Variants in RTN4R observed in about 807,000 individuals in gnomAD.
RTN4R encodes reticulon 4 receptor, also known as reticulon-4 receptor.
Under a neutral mutation model 27.7 loss-of-function variants are expected in RTN4R, and 4 were observed. That is an observed-to-expected ratio of 0.14 (90% CI 0.07 to 0.33). RTN4R has a LOEUF of 0.33. RTN4R is among the 10% of genes least tolerant of loss of function. RTN4R has a pLI of 1.00. For missense variants in RTN4R, 554 were observed against 671.5 expected (o/e 0.83, Z 1.93); for synonymous variants, 290 against 305.6 (o/e 0.95, Z 0.53).
Position 20,241,418 on chromosome 22 carries a change from A to C in RTN4R, c.*293T>G, listed in dbSNP as rs1168710551. On this transcript the variant is annotated 3_prime_UTR_variant, in exon 2 of 2. Transcript: ENST00000043402. ...CCCTAGCCTGAGAGGCCACAGCTTAAGAAAAGAGCTCTTTATTCCACGTCG... is the reference window on the plus strand; with the variant it reads ...CCCTAGCCTGAGAGGCCACAGCTTACGAAAAGAGCTCTTTATTCCACGTCG... The C allele has an allele frequency of 1.1e-5, 5 of 471,114 alleles. No homozygotes were observed. Among genetic ancestry groups the C allele is most frequent in the African/African-American group, 9.9e-5 (5 of 50,454 alleles). The allele number at this position is 471,114 out of a possible 1,614,324, so 29.2% of individuals were successfully genotyped here. A position where few individuals can be genotyped will look rare whatever the true frequency, so the allele number is the denominator to read the frequency against.
intron 1 of RTN4R, among the ~76,000 whole-genome samples, chr22:20,250,937 A>G (rs968658764): frequency 1.3e-5 from 2 of 152,214 alleles, no homozygotes; most frequent in Non-Finnish European, 2.9e-5. Flanking sequence ...GCTGAATGAC[A>G]CAGTCCGGCT....
chr22:20,262,068 G>A (rs2051251005), intron 1 of RTN4R, among the ~76,000 whole-genome samples: 1 of 152,248 alleles, frequency 6.6e-6, no homozygotes, highest in African/African-American at 2.4e-5. Flanking sequence ...CGGGGACAGA[G>A]GCCAGGTCTG....
chr22:20,250,964 G>C (rs1412388893), intron 1 of RTN4R, among the ~76,000 whole-genome samples: 5 of 152,214 alleles, frequency 3.3e-5, no homozygotes, highest in Admixed American at 6.5e-5. Flanking sequence ...GAAAGGACTT[G>C]GGTGGCACTT....
intron 1 of RTN4R, among the ~76,000 whole-genome samples, chr22:20,251,753 C>T (rs200534818): frequency 1.9e-4 from 4 of 20,608 alleles, no homozygotes; most frequent in South Asian, 1.6e-3. Context: ...ACTATCACCA[C>T]CACTATCATC....
Position 20,267,798 on chromosome 22 carries a change from G to T in RTN4R, c.22+273C>A, listed in dbSNP as rs947999047. 1.3e-4 allele frequency: 51 copies of T among 382,828 alleles called. No individual in the cohort carries two copies. The Admixed American group carries it at 2.1e-3, about 15-fold the overall frequency. The allele number at this position is 382,828 out of a possible 1,614,324, so 23.7% of individuals were successfully genotyped here. A position where few individuals can be genotyped will look rare whatever the true frequency, so the allele number is the denominator to read the frequency against. On this transcript the variant is annotated intron_variant, in intron 1 of 1. Coordinates refer to ENST00000043402, the MANE Select transcript of RTN4R (RefSeq NM_023004.6). ...CCCGCCCTCGACTTGGCCCAGCATC[G>T]GGGACCCTCGGACCGCCACCCTCGG...
intron 1 of RTN4R, among the ~76,000 whole-genome samples, chr22:20,258,945 C>T (rs774192984): frequency 2.6e-5 from 4 of 152,030 alleles, no homozygotes; most frequent in African/African-American, 9.7e-5. Flanking sequence ...CACTGTCTCT[C>T]AGCCAGGAGG....
chr22:20,260,596 C>CAGGT (rs1385465075), intron 1 of RTN4R, among the ~76,000 whole-genome samples: 1 of 152,136 alleles, frequency 6.6e-6, no homozygotes, highest in Non-Finnish European at 1.5e-5. Context: ...GTGAGTTCCC[C>CAGGT]AGGTAGGTGG....
At position 20,243,973 on chromosome 22, in the gene RTN4R, C is replaced by T. The variant is rs527322510; in HGVS notation, c.23-863G>A. ...TGGGCAGTAGTCCCTCCCGGGGTGC[C>T]GCATCCAGAGCTGGTCTCACCAGCG... On this transcript the variant is annotated intron_variant, in intron 1 of 1. Transcript: ENST00000043402. Among the ~76,000 whole-genome samples the T allele has an allele frequency of 1.2e-3, 181 of 152,276 alleles. 3 individuals carry two copies. The highest frequency in any genetic ancestry group is 4.2e-3 in the African/African-American group (175 of 41,552).
In RTN4R at chr22:20,242,892, G is replaced by A. The variant is rs539553864; in HGVS notation, c.241C>T (p.Arg81Cys). Residue 81 changes from arginine (R) to cysteine (C), a missense_variant, in exon 2 of 2, where the codon CGC (arginine) becomes TGC (cysteine). Around this residue, in one of 2 missense-constraint regions of RTN4R, gnomAD observed 413 missense variants for 542.3 expected, o/e 0.76. Transcript: ENST00000043402. ...HVPAASFRAC[R>C]NLTILWLHSN... is the part of the protein sequence containing the mutation. ...TGCAGCCACAGGATGGTGAGGTTGC[G>A]GCAGGCACGGAAGCTGGCAGCTGGC... 58 of 1,612,618 alleles carry A rather than the reference G, an allele frequency of 3.6e-5. No homozygotes were observed. Among genetic ancestry groups the A allele is most frequent in the African/African-American group, 1.9e-4 (14 of 75,032 alleles).
chr22:20,267,517 C>A, intron 1 of RTN4R: 1 of 432,058 alleles, frequency 2.3e-6, no homozygotes. Context: ...TGCCTCCTCT[C>A]ACCGCCCGCC....
chr22:20,259,979 G>T (rs1333911002), intron 1 of RTN4R, among the ~76,000 whole-genome samples: 1 of 152,120 alleles, frequency 6.6e-6, no homozygotes, highest in Non-Finnish European at 1.5e-5. Context: ...CCCCTGCATC[G>T]GGGACTGGAC....
intron 1 of RTN4R, among the ~76,000 whole-genome samples, chr22:20,263,696 G>A (rs2051260701): frequency 1.3e-5 from 2 of 152,234 alleles, no homozygotes; most frequent in African/African-American, 4.8e-5. Flanking sequence ...GACCTACATG[G>A]GGACCCTGGC....
In RTN4R at chr22:20,241,993, A is replaced by T; in HGVS notation, c.1140T>A (p.Asn380Lys). ...CAGGCAGAGTCCCAAAGGGTGAGTC[A>T]TTGATGTGCCGTGGGCCAGAGCCGT... is the stretch of plus-strand genomic sequence containing the variant. ...PGNGSGPRHI[N>K]DSPFGTLPGS... is the part of the protein sequence containing the mutation. Residue 380 changes from asparagine (N) to lysine (K), a missense_variant, in exon 2 of 2, where the codon AAT (asparagine) becomes AAA (lysine). Physicochemically the swap from Asn to Lys is moderately conservative, Grantham distance 94 (BLOSUM62 0). Transcript: ENST00000043402. 1 of 1,610,520 alleles carries T rather than the reference A, an allele frequency of 6.2e-7. No individual in the cohort carries two copies. The highest frequency in any genetic ancestry group is 8.5e-7 in the Non-Finnish European group (1 of 1,179,862).
At chr22:20,259,532 A>T (rs1292072393) in intron 1 of RTN4R, among the ~76,000 whole-genome samples, 1 of 151,844 alleles carries the variant, frequency 6.6e-6, no homozygotes, top group East Asian at 1.9e-4. Flanking sequence ...CCCGCAGTCC[A>T]CCTCCGCAGC....
chr22:20,247,290 C>G (rs696881), intron 1 of RTN4R, among the ~76,000 whole-genome samples: 95,335 of 151,868 alleles, frequency 0.63, 30,387 homozygotes, highest in African/African-American at 0.69. Context: ...ATGTCCCCGT[C>G]AGGCGGTCAC....
In RTN4R at chr22:20,241,661, C is replaced by T. The variant is rs753726878; in HGVS notation, c.*50G>A. ...GGCTTGGCGGCGTGGAGAGAGACCC[C>T]GTATGTACACACACCTGGCTGCTGA... On this transcript the variant is annotated 3_prime_UTR_variant, in exon 2 of 2. Transcript: ENST00000043402. 1.2e-5 allele frequency: 18 copies of T among 1,543,646 alleles called. No homozygotes were observed. The Admixed American group carries it at 1.2e-4, about 10-fold the overall frequency.
At position 20,242,614 on chromosome 22, in the gene RTN4R, G is replaced by T. The variant is rs767594512; in HGVS notation, c.519C>A (p.Thr173=). 1 of 1,613,034 alleles carries T rather than the reference G, an allele frequency of 6.2e-7. No homozygotes were observed. Among genetic ancestry groups the T allele is most frequent in the South Asian group, 1.1e-5 (1 of 91,050 alleles). The change falls in exon 2 of 2, where the codon ACC becomes ACA. Residue 173 remains threonine, a synonymous_variant. Coordinates refer to ENST00000043402, the MANE Select transcript of RTN4R (RefSeq NM_023004.6). ...GTGTGAGGTTGCCCAGGTCGCGGAA[G>T]GTGTCATCAGGCAGTGCCTGCAGCG... ...DNALQALPDD[T]FRDLGNLTHL...
At chr22:20,266,919 C>T (rs1051487449) in intron 1 of RTN4R, among the ~76,000 whole-genome samples, 3 of 152,262 alleles carry the variant, frequency 2.0e-5, no homozygotes, top group African/African-American at 7.2e-5. Flanking sequence ...CCCCAGGACA[C>T]GGAGGCAGGC....
intron 1 of RTN4R, among the ~76,000 whole-genome samples, chr22:20,264,031 G>A (rs1244967726): frequency 6.6e-6 from 1 of 152,234 alleles, no homozygotes; most frequent in African/African-American, 2.4e-5. Context: ...GCCTCAGTGG[G>A]CTAGGAGGGG....
Sources: allele counts gnomAD v4.1 joint callset (sites outside exome capture counted in the v4.1 genomes callset), GRCh38; gene constraint gnomAD v4.1.1; regional missense constraint gnomAD v4.1.1; transcripts MANE v1.5; gene names NCBI Gene and HGNC (gene_info 2026-07-23, HGNC 2026-07-21).